SYNE2: variants seen among roughly 807,000 people sequenced by gnomAD.
The protein encoded by SYNE2 is nesprin-2.
A neutral mutation model predicts 856.3 loss-of-function variants in SYNE2; 431 were observed. The ratio of observed to expected loss-of-function variants is 0.50; its 90% CI spans 0.47 to 0.55. The LOEUF (loss-of-function observed/expected upper bound fraction) is 0.55. Ranked by LOEUF, SYNE2 falls within the 20% of genes least tolerant of loss-of-function variation. SYNE2 has a pLI of 0.00. For missense variants in SYNE2, 8,129 were observed against 8,023.2 expected, an observed-to-expected ratio of 1.01 and a Z score of -0.50; for synonymous variants, 2,923 against 2,872.3, an observed-to-expected ratio of 1.02 and a Z score of -0.56.
chr14:63,952,299 A>G (rs574127258), intron 7 of SYNE2, among the ~76,000 whole-genome samples: 1 of 152,326 alleles, frequency 6.6e-6, no homozygotes, highest in East Asian at 1.9e-4. Context: ...TCAACACTCA[A>G]GGTGCTGAGG....
At chr14:64,152,776 C>T (rs537446848) in intron 85 of SYNE2, 60 bp downstream of exon 85, 28 of 1,605,386 alleles carry the variant, frequency 1.7e-5, no homozygotes, top group East Asian at 4.5e-5. Flanking sequence ...CCTTATTTGT[C>T]GTTGTAGTTG....
chr14:64,213,132 A>G, intron 105 of SYNE2, 127 bp downstream of exon 105: 4 of 968,250 alleles, frequency 4.1e-6, no homozygotes, highest in Non-Finnish European at 6.2e-6. Context: ...TTGAAAAGAA[A>G]GGGCTATATC....
intron 32 of SYNE2, among the ~76,000 whole-genome samples, chr14:64,011,095 A>G (rs180894544): frequency 4.9e-4 from 74 of 152,214 alleles, no homozygotes; most frequent in Admixed American, 4.7e-3. Context: ...AAATAGGACA[A>G]TTTAGTCCTT....
rs2098657132 is a variant in SYNE2, at chr14:64,214,610, C to T, written c.19333+140C>T. On this transcript the variant is annotated intron_variant, in intron 106 of 115. Transcript: ENST00000555002. ...CTTCTGTGGTTTCCTGTGCTCTATC[C>T]TGCCCATCTCTTAACTTACCTGAGA... 3.9e-6 allele frequency: 3 copies of T among 777,614 alleles called. No individual in the cohort carries two copies. In the South Asian group the frequency reaches 5.1e-5, roughly 13 times the overall value. The allele number at this position is 777,614 out of a possible 1,614,324, so 48.2% of individuals were successfully genotyped here.
chr14:64,053,504 G>T lies in SYNE2; in HGVS notation c.9591G>T (p.Glu3197Asp). The change falls in exon 48 of 116, where the codon GAG (glutamate) becomes GAT (aspartate). Residue 3197 changes from glutamate (E) to aspartate (D), a missense_variant. By Grantham distance (45) the Glu-to-Asp change is conservative. Around this residue, in one of 3 missense-constraint regions of SYNE2, gnomAD observed 5,410 missense variants for 5,284.8 expected, o/e 1.02. Coordinates refer to ENST00000555002, the MANE Select transcript of SYNE2 (RefSeq NM_182914.3). ...AGGACAATTGTGAAGCATTTCAGGAGCAAGTTTGGGCAGAAATGTGTAGTA... is the reference window on the plus strand; with the variant it reads ...AGGACAATTGTGAAGCATTTCAGGATCAAGTTTGGGCAGAAATGTGTAGTA... ...NEKDNCEAFQ[E>D]QVWAEMCSIK... The T allele has an allele frequency of 1.9e-6, 3 of 1,614,240 alleles. No individual in the cohort carries two copies. The highest frequency in any genetic ancestry group is 1.6e-4 in the Middle Eastern group (1 of 6,062).
chr14:64,021,229 T>C, intron 35 of SYNE2, 86 bp from the exon 36 acceptor site: 1 of 1,032,084 alleles, frequency 9.7e-7, no homozygotes, highest in Non-Finnish European at 1.5e-6. Flanking sequence ...AATGAAGTAA[T>C]CTCAACCCAT....
chr14:64,120,852 C>A, intron 67 of SYNE2, 75 bp from the exon 68 acceptor site: 1 of 1,494,084 alleles, frequency 6.7e-7, no homozygotes, highest in Non-Finnish European at 9.3e-7. Context: ...TCTATGTAGT[C>A]CCATTATTAG....
chr14:63,972,296 G>T (rs538197874), intron 11 of SYNE2, among the ~76,000 whole-genome samples: 3 of 152,162 alleles, frequency 2.0e-5, no homozygotes, highest in Admixed American at 2.0e-4. Flanking sequence ...ACAGAGACCT[G>T]GCCTGATTTT....
At chr14:63,939,460 G>A (rs1454400057) in intron 2 of SYNE2, among the ~76,000 whole-genome samples, 1 of 151,664 alleles carries the variant, frequency 6.6e-6, no homozygotes, top group Non-Finnish European at 1.5e-5. Flanking sequence ...TGATTCTCCG[G>A]CCTCAGCCTC....
chr14:64,224,550 A>C lies in SYNE2; in HGVS notation c.20469+3A>C. ...CCGTGCCAGCTCCCCGAGCAAAGGT[A>C]AGAAGCCCCTTCCTTCTGTGAGAAC... On this transcript the variant is annotated splice_donor_region_variant and intron_variant, in intron 114 of 115. Transcript: ENST00000555002. 1 of 1,614,050 alleles carries C rather than the reference A, an allele frequency of 6.2e-7. No homozygotes were observed. Among genetic ancestry groups the C allele is most frequent in the Non-Finnish European group, 8.5e-7 (1 of 1,179,978 alleles).
chr14:63,928,040 C>T (rs1184824104), intron 2 of SYNE2, among the ~76,000 whole-genome samples: 4 of 151,492 alleles, frequency 2.6e-5, no homozygotes, highest in Non-Finnish European at 5.9e-5. Context: ...GACTAATATA[C>T]CATCTCTATA....
intron 1 of SYNE2, among the ~76,000 whole-genome samples, chr14:63,836,224 A>G (rs1054187681): frequency 4.3e-4 from 65 of 152,112 alleles, no homozygotes; most frequent in Middle Eastern, 3.4e-3. Flanking sequence ...GGGTTTCACC[A>G]TGTTCCCCAT....
intron 2 of SYNE2, among the ~76,000 whole-genome samples, chr14:63,920,457 T>C (rs1340744745): frequency 6.6e-6 from 1 of 151,344 alleles, no homozygotes; most frequent in Non-Finnish European, 1.5e-5. Context: ...ACTGAGGATT[T>C]AAAGGAGAAT....
At chr14:63,941,401 A>G (rs2095913611) in intron 3 of SYNE2, among the ~76,000 whole-genome samples, 1 of 152,232 alleles carries the variant, frequency 6.6e-6, no homozygotes, top group African/African-American at 2.4e-5. Flanking sequence ...ATGGGTCACT[A>G]GCGACTGATT....
Position 64,128,494 on chromosome 14 carries a change from A to C in SYNE2, c.13960A>C (p.Thr4654Pro). 6.2e-7 allele frequency: 1 copy of C among 1,608,600 alleles called. No homozygotes were observed. The highest frequency in any genetic ancestry group is 8.5e-7 in the Non-Finnish European group (1 of 1,174,926). ...ATATCATCAGCTCATTAAGAGTAAG[A>C]CATCTTTACAACAGTCTTTGAATGA... is the stretch of plus-strand genomic sequence containing the variant. ...RLYHQLIKSK[T>P]SLQQSLNEIS... is the part of the protein sequence containing the mutation. The change falls in exon 74 of 116, where the codon ACA becomes CCA. Residue 4654 changes from threonine (T) to proline (P), a missense_variant. This residue lies in a region of SYNE2 where 5,410 missense variants were observed against 5,284.8 expected (regional missense o/e 1.02). Coordinates refer to ENST00000555002, the MANE Select transcript of SYNE2 (RefSeq NM_182914.3).
chr14:63,794,176 C>A (rs572575087), intron 1 of SYNE2, among the ~76,000 whole-genome samples: 1 of 152,184 alleles, frequency 6.6e-6, no homozygotes, highest in Admixed American at 6.5e-5. Context: ...TAACTGGAAA[C>A]TTTATTTATT....
chr14:63,796,657 T>G (rs1887925226), intron 1 of SYNE2, among the ~76,000 whole-genome samples: 1 of 151,884 alleles, frequency 6.6e-6, no homozygotes, highest in Admixed American at 6.6e-5. Context: ...TACCTTGCCT[T>G]TTTTTTTCTT....
chr14:64,022,007 C>A lies in SYNE2; in HGVS notation c.5503C>A (p.His1835Asn), dbSNP rs201005327. The A allele has an allele frequency of 6.1e-5, 99 of 1,613,548 alleles. No individual in the cohort carries two copies. Among genetic ancestry groups the A allele is most frequent in the Non-Finnish European group, 2.8e-5 (33 of 1,179,812 alleles). Residue 1835 changes from histidine (H) to asparagine (N), a missense_variant, in exon 37 of 116, where the codon CAC (histidine) becomes AAC (asparagine). This residue lies in a region of SYNE2 where 2,422 missense variants were observed against 2,357.4 expected (regional missense o/e 1.03). Transcript: ENST00000555002. ...TACCAAAAAAAGTGTTTTGCAAGAT[C>A]ACTTTTCTAAGTTATTGAATGGTGA... ...FNTKKSVLQDHFSKLLNDQCK... is the reference protein window; with the variant it reads ...FNTKKSVLQDNFSKLLNDQCK...
At position 64,137,985 on chromosome 14, in the gene SYNE2, T is replaced by G. The variant is rs778785090; in HGVS notation, c.14843+2T>G. On this transcript the variant is annotated splice_donor_variant, in intron 79 of 115. Transcript: ENST00000555002. LOFTEE classifies it high-confidence loss of function. ...AGCTCTTCTCAAGCATCTGCTCAGG[T>G]CAGCCTTTTTGGGGGTGGATTGGCT... 6.2e-7 allele frequency: 1 copy of G among 1,612,706 alleles called. No homozygotes were observed. The highest frequency in any genetic ancestry group is 1.7e-5 in the Admixed American group (1 of 59,774).
Sources: allele counts gnomAD v4.1 joint callset (sites outside exome capture counted in the v4.1 genomes callset), GRCh38; gene constraint gnomAD v4.1.1; regional missense constraint gnomAD v4.1.1; transcripts MANE v1.5; gene names NCBI Gene and HGNC (gene_info 2026-07-23, HGNC 2026-07-21).